Variants in CPT1A observed in about 807,000 individuals in gnomAD.
The protein encoded by CPT1A is carnitine O-palmitoyltransferase 1, liver isoform.
In CPT1A, 64 loss-of-function variants were observed where a neutral mutation model predicts 100.8. The ratio of observed to expected loss-of-function variants is 0.63; its 90% CI spans 0.52 to 0.78. CPT1A has a LOEUF of 0.78. Among genes scored for constraint, CPT1A ranks in the 30% least tolerant of loss-of-function variants. The pLI, the probability that CPT1A is intolerant of heterozygous loss-of-function variation, is 0.00. For missense variants in CPT1A, 802 were observed against 1,034.1 expected (o/e 0.78, Z 3.08); for synonymous variants, 363 against 396.0 (o/e 0.92, Z 0.99).
chr11:68,820,321 CA>C (rs1401096642), intron 1 of CPT1A, among the ~76,000 whole-genome samples: 4 of 152,044 alleles, frequency 2.6e-5, no homozygotes, highest in Non-Finnish European at 2.9e-5. Context: ...TGTGAGCCAC[CA>C]TGTCTAGTGA....
At chr11:68,824,203 G>C (rs915712815) in intron 1 of CPT1A, among the ~76,000 whole-genome samples, 2 of 148,596 alleles carry the variant, frequency 1.3e-5, no homozygotes, top group African/African-American at 2.5e-5. Flanking sequence ...AGCTGAGATC[G>C]GGCCACTGCA....
chr11:68,767,273 G>A (rs546233896), intron 14 of CPT1A, among the ~76,000 whole-genome samples: 2 of 152,334 alleles, frequency 1.3e-5, no homozygotes, highest in South Asian at 2.1e-4. Flanking sequence ...TTCACAAACT[G>A]TTTTATGACT....
chr11:68,789,266 G>A lies in CPT1A; in HGVS notation c.967+4049C>T, dbSNP rs548406256. On this transcript the variant is annotated intron_variant, in intron 9 of 18. Transcript: ENST00000265641. ...CCTCTTTCCCTTTTTTTATTTTGGG[G>A]AATTTGAATGGTCTAATTAGTGAGG... 1.2e-4 allele frequency among the ~76,000 whole-genome samples: 19 copies of A among 152,240 alleles called. No individual in the cohort carries two copies. The East Asian group carries it at 2.9e-3, about 23-fold the overall frequency.
rs773156285 is a variant in CPT1A, at chr11:68,794,743, T to A, written c.879+61A>T. On this transcript the variant is annotated intron_variant, in intron 8 of 18. Coordinates refer to ENST00000265641, the MANE Select transcript of CPT1A (RefSeq NM_001876.4). ...GTATATTTTAAACATGTGCAATATG[T>A]CAATTATACCTCTGTAAAGCTGTTT... The A allele has an allele frequency of 4.1e-5, 55 of 1,351,710 alleles. No individual in the cohort carries two copies. In the South Asian group the frequency reaches 5.5e-4, roughly 13 times the overall value. The allele number at this position is 1,351,710 out of a possible 1,614,324, so 83.7% of individuals were successfully genotyped here.
intron 3 of CPT1A, among the ~76,000 whole-genome samples, chr11:68,811,947 AC>A (rs1465069193): frequency 7.1e-6 from 1 of 141,072 alleles, no homozygotes; most frequent in African/African-American, 3.0e-5. Flanking sequence ...GGTAGGAGGG[AC>A]GGGGGGGTCC....
intron 3 of CPT1A, among the ~76,000 whole-genome samples, chr11:68,811,157 G>A (rs138823421): frequency 3.3e-5 from 5 of 152,248 alleles, no homozygotes; most frequent in South Asian, 2.1e-4. Context: ...GCCCAGACCC[G>A]GCATTGTGCC....
At chr11:68,805,430 G>C (rs568486237) in intron 4 of CPT1A, among the ~76,000 whole-genome samples, 1 of 151,280 alleles carries the variant, frequency 6.6e-6, no homozygotes, top group East Asian at 1.9e-4. Context: ...CAGCCTGGGT[G>C]ACAGAGCAAG....
At chr11:68,831,657 G>C (rs4930616) in intron 1 of CPT1A, among the ~76,000 whole-genome samples, 2 of 145,318 alleles carry the variant, frequency 1.4e-5, no homozygotes, top group African/African-American at 5.3e-5. Context: ...TTTTTGAGAC[G>C]AAGTTTTGCT....
chr11:68,768,296 C>G (rs1295515203), intron 14 of CPT1A, among the ~76,000 whole-genome samples: 1 of 151,838 alleles, frequency 6.6e-6, no homozygotes, highest in East Asian at 1.9e-4. Context: ...AGGATGGTCT[C>G]GATCTTCTGA....
At chr11:68,828,585 G>A (rs1856800718) in intron 1 of CPT1A, among the ~76,000 whole-genome samples, 1 of 152,172 alleles carries the variant, frequency 6.6e-6, no homozygotes, top group Non-Finnish European at 1.5e-5. Context: ...GGGAGCCCCA[G>A]CACGCTGGGA....
upstream of CPT1A, among the ~76,000 whole-genome samples, chr11:68,842,399 G>A (rs1857180400): frequency 6.6e-6 from 1 of 151,922 alleles, no homozygotes; most frequent in South Asian, 2.1e-4. Flanking sequence ...GAAGCCAGGA[G>A]TTCGAGGCCA....
rs1024915872 is a variant in CPT1A, at chr11:68,762,547, G to A, written c.1875+80C>T. 16 of 1,569,652 alleles carry A rather than the reference G, an allele frequency of 1.0e-5. No individual in the cohort carries two copies. The Admixed American group carries it at 2.0e-4, about 20-fold the overall frequency. On this transcript the variant is annotated intron_variant, in intron 15 of 18. Coordinates refer to ENST00000265641, the MANE Select transcript of CPT1A (RefSeq NM_001876.4). ...AAGGTACAGGAATGATGAGATCAGA[G>A]AAGCTGGAGTGATGGCCTCCAGAAG...
intron 1 of CPT1A, among the ~76,000 whole-genome samples, chr11:68,823,318 A>G (rs1385557852): frequency 2.0e-5 from 3 of 152,144 alleles, no homozygotes; most frequent in African/African-American, 7.2e-5. Context: ...GAATCTCTCA[A>G]TAAAGCTGTT....
chr11:68,789,977 G>A (rs1855569882), intron 9 of CPT1A, among the ~76,000 whole-genome samples: 1 of 152,154 alleles, frequency 6.6e-6, no homozygotes, highest in South Asian at 2.1e-4. Context: ...TTCCGTTGTT[G>A]TAATGAGTTG....
At chr11:68,787,812 C>T (rs1010695951) in intron 9 of CPT1A, among the ~76,000 whole-genome samples, 1 of 151,910 alleles carries the variant, frequency 6.6e-6, no homozygotes, top group Non-Finnish European at 1.5e-5. Context: ...GGCGTGGTGG[C>T]GGACACCTGT....
At chr11:68,802,270 A>C (rs1855921584) in intron 5 of CPT1A, among the ~76,000 whole-genome samples, 1 of 152,026 alleles carries the variant, frequency 6.6e-6, no homozygotes, top group Non-Finnish European at 1.5e-5. Flanking sequence ...AGTACAATTC[A>C]TGTTGTGTAC....
Position 68,826,037 on chromosome 11 carries a change from T to C in CPT1A, c.-13-10550A>G, listed in dbSNP as rs563477872. Among the ~76,000 whole-genome samples, 21 of 152,218 alleles carry C rather than the reference T, an allele frequency of 1.4e-4. 1 individual carries two copies. The South Asian group carries it at 4.1e-3, about 30-fold the overall frequency. Reference sequence around the variant, plus strand: ...GGAACTCATAAGAATGGTAACCAGATAAAGCCATTCGCACCACACCCGCCT... The same window carrying C: ...GGAACTCATAAGAATGGTAACCAGACAAAGCCATTCGCACCACACCCGCCT... On this transcript the variant is annotated intron_variant, in intron 1 of 18. Coordinates refer to ENST00000265641, the MANE Select transcript of CPT1A (RefSeq NM_001876.4).
chr11:68,816,755 C>CGTGTGTGTGTGTGT (rs5792452), intron 1 of CPT1A, among the ~76,000 whole-genome samples: 3 of 145,112 alleles, frequency 2.1e-5, no homozygotes, highest in African/African-American at 7.6e-5. Context: ...TCCAAAAACT[C>CGTGTGTGTGTGTGT]GTGTGTGTGT....
At chr11:68,840,831 C>T (rs1300795514) in intron 1 of CPT1A, among the ~76,000 whole-genome samples, 1 of 152,242 alleles carries the variant, frequency 6.6e-6, no homozygotes, top group East Asian at 1.9e-4. Flanking sequence ...CTGACCGCAC[C>T]GTCGGGCTCG....
Sources: allele counts gnomAD v4.1 joint callset (sites outside exome capture counted in the v4.1 genomes callset), GRCh38; gene constraint gnomAD v4.1.1; transcripts MANE v1.5; gene names NCBI Gene and HGNC (gene_info 2026-07-23, HGNC 2026-07-21).